The following ASTE1 variants were observed in gnomAD, a reference collection of about 807,000 sequenced individuals.
ASTE1 encodes the protein single-strand DNA endonuclease ASTE1.
In ASTE1, 49 loss-of-function variants were observed where a neutral mutation model predicts 45.8. That is an observed-to-expected ratio of 1.07 (90% CI 0.85 to 1.36). The LOEUF is 1.36. Among genes scored for constraint, ASTE1 ranks in the 40% most tolerant of loss-of-function variants. ASTE1 has a pLI of 0.00. For synonymous variants in ASTE1, 296 were observed against 303.9 expected, an observed-to-expected ratio of 0.97 and a Z score of 0.27; for missense variants, 709 against 804.0, an observed-to-expected ratio of 0.88 and a Z score of 1.43.
intron 3 of ASTE1, among the ~76,000 whole-genome samples, chr3:131,023,023 C>T (rs1171342457): frequency 2.0e-5 from 3 of 152,120 alleles, no homozygotes; most frequent in Admixed American, 6.5e-5. Flanking sequence ...GTAGGGACAA[C>T]AAAAATGTCT....
rs1414681847 is a variant in ASTE1, at chr3:131,026,815, A to G, written c.-455T>C. 6.6e-6 allele frequency: 1 copy of G among 152,178 alleles called. No homozygotes were observed. Among genetic ancestry groups the G allele is most frequent in the African/African-American group, 2.4e-5 (1 of 41,394 alleles). The allele number at this position is 152,178 out of a possible 1,614,324, so 9.4% of individuals were successfully genotyped here. A position where few individuals can be genotyped will look rare whatever the true frequency, so the allele number is the denominator to read the frequency against. On this transcript the variant is annotated 5_prime_UTR_variant, in exon 1 of 6. Transcript: ENST00000264992. ...TCTCCGCCTACTTGGGTCGGCGAAC[A>G]CTTCCGCCTTGGTGCCGCCTCGCCC...
At chr3:131,019,507 A>C (rs765810239) in intron 3 of ASTE1, among the ~76,000 whole-genome samples, 16 of 152,240 alleles carry the variant, frequency 1.1e-4, no homozygotes, top group Non-Finnish European at 1.9e-4. Flanking sequence ...TCTTGTTGAA[A>C]TAATTTTACC....
In ASTE1 at chr3:131,024,613, T is replaced by C; in HGVS notation, c.694A>G (p.Met232Val). 1 of 1,608,398 alleles carries C rather than the reference T, an allele frequency of 6.2e-7. No individual in the cohort carries two copies. The highest frequency in any genetic ancestry group is 8.5e-7 in the Non-Finnish European group (1 of 1,176,898). Residue 232 changes from methionine (M) to valine (V), a missense_variant, in exon 3 of 6, where the codon ATG (methionine) becomes GTG (valine). By Grantham distance (21) the Met-to-Val change is conservative. Coordinates refer to ENST00000264992, the MANE Select transcript of ASTE1 (RefSeq NM_014065.4). Reference protein sequence around the residue: ...CGNDHVNLPIMETFLSKARLP... With the variant: ...CGNDHVNLPIVETFLSKARLP... ...CGCGCTTTACTTAAGAATGTCTCCA[T>C]GATGGGTAGATTAACATGGTCATTT... is the stretch of plus-strand genomic sequence containing the variant.
At chr3:131,022,601 G>C (rs1169982158) in intron 3 of ASTE1, among the ~76,000 whole-genome samples, 1 of 151,964 alleles carries the variant, frequency 6.6e-6, no homozygotes, top group African/African-American at 2.4e-5. Flanking sequence ...GGGCTTACAG[G>C]CATGAGCCAT....
At chr3:131,020,803 C>T (rs1202791099) in intron 3 of ASTE1, among the ~76,000 whole-genome samples, 1 of 152,160 alleles carries the variant, frequency 6.6e-6, no homozygotes, top group African/African-American at 2.4e-5. Flanking sequence ...TGGGTGATAG[C>T]AGAGCGCAGA....
chr3:131,016,346 A>G lies in ASTE1; in HGVS notation c.1514-7T>C. 1 of 1,614,174 alleles carries G rather than the reference A, an allele frequency of 6.2e-7. No individual in the cohort carries two copies. Among genetic ancestry groups the G allele is most frequent in the South Asian group, 1.1e-5 (1 of 91,080 alleles). ...TCCTGCAGCTCTTCCTTACCTAAATAAAGAAACAGCCCAAGGGCAGTATTT... is the reference window on the plus strand; with the variant it reads ...TCCTGCAGCTCTTCCTTACCTAAATGAAGAAACAGCCCAAGGGCAGTATTT... On this transcript the variant is annotated splice_polypyrimidine_tract_variant and splice_region_variant and intron_variant, in intron 4 of 5. Coordinates refer to ENST00000264992, the MANE Select transcript of ASTE1 (RefSeq NM_014065.4).
chr3:131,025,212 C>A lies in ASTE1; in HGVS notation c.95G>T (p.Gly32Val). The A allele has an allele frequency of 1.2e-6, 2 of 1,614,168 alleles. No individual in the cohort carries two copies. The highest frequency in any genetic ancestry group is 1.7e-6 in the Non-Finnish European group (2 of 1,180,034). Residue 32 changes from glycine to valine, a missense_variant, in exon 3 of 6, where the codon GGT (glycine) becomes GTT (valine). Physicochemically the swap from Gly to Val is moderately radical, Grantham distance 109 (BLOSUM62 -3). Transcript: ENST00000264992. ...KLRDTKIVID[G>V]YALFHRLCFS... ...GCAAAGACGGTGGAAAAGAGCATAACCATCAATGACAATTTTTGTGTCCCG... is the reference window on the plus strand; with the variant it reads ...GCAAAGACGGTGGAAAAGAGCATAAACATCAATGACAATTTTTGTGTCCCG...
chr3:131,013,968 A>G lies in ASTE1; in HGVS notation c.*89T>C. 1.0e-6 allele frequency: 1 copy of G among 956,522 alleles called. No homozygotes were observed. Among genetic ancestry groups the G allele is most frequent in the Non-Finnish European group, 1.5e-6 (1 of 648,462 alleles). The allele number at this position is 956,522 out of a possible 1,614,324, so 59.3% of individuals were successfully genotyped here. ...TTTATCCCCTAACAGGTCAGTCCTA[A>G]AGAAAAAGCTAATTGTTTCAAGGGT... On this transcript the variant is annotated 3_prime_UTR_variant, in exon 6 of 6. Transcript: ENST00000264992.
At position 131,024,904 on chromosome 3, in the gene ASTE1, C is replaced by A. The variant is rs1560064790; in HGVS notation, c.403G>T (p.Val135Phe). The A allele has an allele frequency of 6.2e-7, 1 of 1,614,118 alleles. No individual in the cohort carries two copies. Among genetic ancestry groups the A allele is most frequent in the East Asian group, 2.2e-5 (1 of 44,878 alleles). ...QVLIKLRVCF[V>F]QCFSEADRDI... ...CGATCTGCTTCTGAAAAGCACTGGACAAAACACACCCGCAGCTTGATCAAA... is the reference window on the plus strand; with the variant it reads ...CGATCTGCTTCTGAAAAGCACTGGAAAAAACACACCCGCAGCTTGATCAAA... The change falls in exon 3 of 6, where the codon GTC (valine) becomes TTC (phenylalanine). Residue 135 changes from valine (V) to phenylalanine (F), a missense_variant. Physicochemically the swap from Val to Phe is conservative, Grantham distance 50 (BLOSUM62 -1). Coordinates refer to ENST00000264992, the MANE Select transcript of ASTE1 (RefSeq NM_014065.4).
Position 131,024,981 on chromosome 3 carries a change from C to G in ASTE1, c.326G>C (p.Gly109Ala), listed in dbSNP as rs1441899679. ...KIQMAHSLSV[G>A]GSGYVCPLLI... ...TAAGGGACATACGTACCCACTCCCACCAACAGAAAGGGAATGGGCCATCTG... is the reference window on the plus strand; with the variant it reads ...TAAGGGACATACGTACCCACTCCCAGCAACAGAAAGGGAATGGGCCATCTG... Residue 109 changes from glycine to alanine, a missense_variant, in exon 3 of 6, where the codon GGT (glycine) becomes GCT (alanine). Coordinates refer to ENST00000264992, the MANE Select transcript of ASTE1 (RefSeq NM_014065.4). The G allele has an allele frequency of 3.7e-6, 6 of 1,602,280 alleles. No homozygotes were observed. Among genetic ancestry groups the G allele is most frequent in the Non-Finnish European group, 4.3e-6 (5 of 1,173,604 alleles).
chr3:131,019,235 C>G (rs1009258299), intron 3 of ASTE1, among the ~76,000 whole-genome samples: 3 of 152,106 alleles, frequency 2.0e-5, no homozygotes, highest in Non-Finnish European at 2.9e-5. Context: ...TTTTAGGAAC[C>G]CTATGTGGCA....
Position 131,022,740 on chromosome 3 carries a change from C to T in ASTE1, c.1302+1265G>A, listed in dbSNP as rs994649727. 1.8e-4 allele frequency among the ~76,000 whole-genome samples: 28 copies of T among 152,242 alleles called. 1 individual carries two copies. The highest frequency in any genetic ancestry group is 6.3e-4 in the African/African-American group (26 of 41,526). On this transcript the variant is annotated intron_variant, in intron 3 of 5. Coordinates refer to ENST00000264992, the MANE Select transcript of ASTE1 (RefSeq NM_014065.4). Reference sequence around the variant, plus strand: ...CGCCAATGCCAAGAAGGCTCTTGGACTCACTGCCCAATGCCAAGAAGGCTC... The same window carrying T: ...CGCCAATGCCAAGAAGGCTCTTGGATTCACTGCCCAATGCCAAGAAGGCTC...
rs529050716 is a variant in ASTE1, at chr3:131,014,371, G to A, written c.1726C>T (p.Leu576=). 12 of 1,601,136 alleles carry A rather than the reference G, an allele frequency of 7.5e-6. No homozygotes were observed. The South Asian group carries it at 1.2e-4, about 17-fold the overall frequency. ...AGTTGCTGGCATAGTCCGTGCACCA[G>A]GCTTCCACTGTACAGTCTGTTCAAA... ...PDLTRLYSGS[L]VHGLCQQLLA... The change falls in exon 6 of 6, where the codon CTG becomes TTG. Residue 576 remains leucine (L), a synonymous_variant. Transcript: ENST00000264992.
intron 3 of ASTE1, among the ~76,000 whole-genome samples, chr3:131,019,920 A>G (rs1284601552): frequency 2.0e-5 from 3 of 152,234 alleles, no homozygotes; most frequent in Admixed American, 2.0e-4. Flanking sequence ...ACTTTATAGT[A>G]TAACCAATTA....
intron 3 of ASTE1, among the ~76,000 whole-genome samples, chr3:131,022,652 C>T (rs2063758840): frequency 6.6e-6 from 1 of 152,080 alleles, no homozygotes; most frequent in African/African-American, 2.4e-5. Flanking sequence ...GTGCAGCCAT[C>T]ACTAATTCCA....
At position 131,017,133 on chromosome 3, in the gene ASTE1, T is replaced by G. The variant is rs544434625; in HGVS notation, c.1514-794A>C. On this transcript the variant is annotated intron_variant, in intron 4 of 5. Coordinates refer to ENST00000264992, the MANE Select transcript of ASTE1 (RefSeq NM_014065.4). ...TAATAGGCTTGTGCTCTGAGAGCTT[T>G]CTTATACTGTATTTATTATTCAATC... 6.8e-4 allele frequency: 601 copies of G among 884,802 alleles called. 1 individual carries two copies. The highest frequency in any genetic ancestry group is 1.8e-3 in the Middle Eastern group (7 of 3,800). 54.8% of individuals were successfully genotyped at this position (884,802 alleles called of 1,614,324 possible).
intron 4 of ASTE1, 179 bp from the exon 5 acceptor site, chr3:131,016,518 G>C: frequency 1.4e-6 from 1 of 707,274 alleles, no homozygotes; most frequent in Non-Finnish European, 2.3e-6. Context: ...ATACTGAACT[G>C]TCTTTTTAAT....
intron 3 of ASTE1, among the ~76,000 whole-genome samples, chr3:131,021,631 A>C (rs2063743591): frequency 6.6e-6 from 1 of 152,160 alleles, no homozygotes; most frequent in Admixed American, 6.5e-5. Flanking sequence ...CCTTGCAAAA[A>C]TTTATCATGC....
Position 131,025,490 on chromosome 3 carries a change from T to A in ASTE1, c.-42A>T. 1.0e-6 allele frequency: 1 copy of A among 984,964 alleles called. No individual in the cohort carries two copies. The highest frequency in any genetic ancestry group is 2.3e-5 in the South Asian group (1 of 43,968). The allele number at this position is 984,964 out of a possible 1,614,324, so 61.0% of individuals were successfully genotyped here. A position where few individuals can be genotyped will look rare whatever the true frequency, so the allele number is the denominator to read the frequency against. Reference sequence around the variant, plus strand: ...AATTCTTACCTAGATCCTCAAGCAATGTTAGCTGTGCTTTTTCATTCTCCT... The same window carrying A: ...AATTCTTACCTAGATCCTCAAGCAAAGTTAGCTGTGCTTTTTCATTCTCCT... On this transcript the variant is annotated 5_prime_UTR_variant, in exon 2 of 6. Coordinates refer to ENST00000264992, the MANE Select transcript of ASTE1 (RefSeq NM_014065.4).
Sources: allele counts gnomAD v4.1 joint callset (sites outside exome capture counted in the v4.1 genomes callset), GRCh38; gene constraint gnomAD v4.1.1; transcripts MANE v1.5; gene names NCBI Gene and HGNC (gene_info 2026-07-23, HGNC 2026-07-21).